The following EFNA5 variants were observed in gnomAD, a reference collection of about 807,000 sequenced individuals.
The protein encoded by EFNA5 is ephrin A5.
EFNA5 carries 5 observed loss-of-function variants against 22.9 expected under a neutral mutation model. That is an observed-to-expected ratio of 0.22 (90% CI 0.11 to 0.46). The LOEUF (loss-of-function observed/expected upper bound fraction) is 0.46, where lower values mean the gene tolerates loss of function less well. Ranked by LOEUF, EFNA5 falls within the 20% of genes least tolerant of loss-of-function variation. The probability of loss-of-function intolerance (pLI) is 0.99; values close to 1 mark genes in which losing one functional copy is unlikely to be tolerated. For synonymous variants in EFNA5, 113 were observed against 112.2 expected, an observed-to-expected ratio of 1.01 and a Z score of -0.04; for missense variants, 237 against 293.3, an observed-to-expected ratio of 0.81 and a Z score of 1.40.
At chr5:107,638,100 A>G (rs1750424570) in intron 1 of EFNA5, among the ~76,000 whole-genome samples, 1 of 151,678 alleles carries the variant, frequency 6.6e-6, no homozygotes, top group Admixed American at 6.6e-5. Context: ...TGATCCGTCC[A>G]CCTTGGCCTC....
intron 1 of EFNA5, among the ~76,000 whole-genome samples, chr5:107,641,496 T>C (rs1487605271): frequency 6.6e-6 from 1 of 152,190 alleles, no homozygotes; most frequent in African/African-American, 2.4e-5. Context: ...AGGAAATCAC[T>C]GTATGCACAA....
At chr5:107,539,609 C>G (rs929096274) in intron 1 of EFNA5, among the ~76,000 whole-genome samples, 6 of 152,106 alleles carry the variant, frequency 3.9e-5, no homozygotes, top group Non-Finnish European at 8.8e-5. Context: ...CAGGCACATG[C>G]CACCATGCCC....
intron 1 of EFNA5, among the ~76,000 whole-genome samples, chr5:107,563,252 G>A (rs973702152): frequency 1.3e-5 from 2 of 152,050 alleles, no homozygotes; most frequent in African/African-American, 4.8e-5. Flanking sequence ...ATCTCCAGCT[G>A]GCTATCTTCG....
chr5:107,472,924 T>C (rs1750183313), intron 1 of EFNA5, among the ~76,000 whole-genome samples: 1 of 152,164 alleles, frequency 6.6e-6, no homozygotes, highest in African/African-American at 2.4e-5. Flanking sequence ...CTGAAGGATA[T>C]TTGAACAAAC....
chr5:107,637,303 A>G (rs1750393013), intron 1 of EFNA5, among the ~76,000 whole-genome samples: 1 of 152,212 alleles, frequency 6.6e-6, no homozygotes, highest in Non-Finnish European at 1.5e-5. Context: ...TGGTTAAAAT[A>G]AGTCATTTCA....
chr5:107,423,666 T>G (rs775333745), intron 2 of EFNA5, among the ~76,000 whole-genome samples: 1 of 152,220 alleles, frequency 6.6e-6, no homozygotes, highest in African/African-American at 2.4e-5. Flanking sequence ...TACCGCCAAC[T>G]TTCTGTAATT....
chr5:107,471,947 T>C (rs912730943), intron 1 of EFNA5, among the ~76,000 whole-genome samples: 7 of 152,232 alleles, frequency 4.6e-5, no homozygotes, highest in Admixed American at 2.0e-4. Flanking sequence ...TAATAAGTTA[T>C]ATCCATGTCC....
At chr5:107,475,607 C>T (rs992875724) in intron 1 of EFNA5, among the ~76,000 whole-genome samples, 8 of 152,122 alleles carry the variant, frequency 5.3e-5, no homozygotes, top group African/African-American at 1.9e-4. Flanking sequence ...CAATCTGCTG[C>T]ATTGCTAAAG....
At chr5:107,611,446 C>T (rs1051613714) in intron 1 of EFNA5, among the ~76,000 whole-genome samples, 18 of 152,162 alleles carry the variant, frequency 1.2e-4, no homozygotes, top group Non-Finnish European at 2.2e-4. Context: ...TAAAACGGTT[C>T]GCTCAAGTCT....
chr5:107,489,761 T>C (rs1183958734), intron 1 of EFNA5, among the ~76,000 whole-genome samples: 1 of 151,848 alleles, frequency 6.6e-6, no homozygotes, highest in Non-Finnish European at 1.5e-5. Context: ...AACATATCCA[T>C]AGCAAGGACT....
intron 1 of EFNA5, among the ~76,000 whole-genome samples, chr5:107,559,331 G>C (rs943195030): frequency 2.0e-5 from 3 of 152,078 alleles, no homozygotes; most frequent in Non-Finnish European, 4.4e-5. Context: ...ACCATCATTT[G>C]ACTCTTTCAT....
intron 1 of EFNA5, among the ~76,000 whole-genome samples, chr5:107,667,487 CAAGTGACACA>C (rs753663715): frequency 3.2e-4 from 49 of 152,178 alleles, no homozygotes; most frequent in Non-Finnish European, 6.2e-4. Context: ...ACCAGATACA[CAAGTGACACA>C]AGTTACACAG....
At chr5:107,503,945 T>C (rs533625515) in intron 1 of EFNA5, among the ~76,000 whole-genome samples, 1 of 152,230 alleles carries the variant, frequency 6.6e-6, no homozygotes, top group Non-Finnish European at 1.5e-5. Context: ...ACAGCATGCA[T>C]TGAATTAGCT....
intron 1 of EFNA5, among the ~76,000 whole-genome samples, chr5:107,467,708 GT>G (rs2112462450): frequency 6.6e-6 from 1 of 152,242 alleles, no homozygotes; most frequent in East Asian, 1.9e-4. Context: ...AAATATAAGA[GT>G]CAGAGTCAGC....
At chr5:107,622,801 C>G (rs985456586) in intron 1 of EFNA5, among the ~76,000 whole-genome samples, 3 of 151,682 alleles carry the variant, frequency 2.0e-5, no homozygotes, top group Admixed American at 2.0e-4. Context: ...GCGGGTGGAT[C>G]ATGAGGTCAG....
Position 107,387,748 on chromosome 5 carries a change from T to C in EFNA5, c.442A>G (p.Arg148Gly), listed in dbSNP as rs1334662919. 4 of 1,613,154 alleles carry C rather than the reference T, an allele frequency of 2.5e-6. No individual in the cohort carries two copies. Among genetic ancestry groups the C allele is most frequent in the Non-Finnish European group, 3.4e-6 (4 of 1,179,398 alleles). ...YISSAIPDNG[R>G]RSCLKLKVFV... ...ACTTTGAGCTTTAGACAGGACCTTC[T>C]TCCATTATCTGGGATTGCAGAGGCT... The change falls in exon 3 of 5, where the codon AGA becomes GGA. Residue 148 changes from arginine to glycine, a missense_variant. Physicochemically the swap from Arg to Gly is moderately radical, Grantham distance 125. Transcript: ENST00000333274.
At chr5:107,551,143 C>T (rs1748285261) in intron 1 of EFNA5, among the ~76,000 whole-genome samples, 1 of 152,184 alleles carries the variant, frequency 6.6e-6, no homozygotes, top group African/African-American at 2.4e-5. Context: ...GTACCATCAT[C>T]ATCTTTTTTT....
chr5:107,502,344 T>C (rs575367635), intron 1 of EFNA5, among the ~76,000 whole-genome samples: 5 of 152,326 alleles, frequency 3.3e-5, no homozygotes, highest in Admixed American at 2.6e-4. Context: ...TATCATCATT[T>C]AGAAAGATCC....
At chr5:107,556,438 T>C (rs899877860) in intron 1 of EFNA5, among the ~76,000 whole-genome samples, 43 of 152,210 alleles carry the variant, frequency 2.8e-4, no homozygotes, top group African/African-American at 1.0e-3. Context: ...CTACCCATCA[T>C]AGTCTTCTTA....
Sources: allele counts gnomAD v4.1 joint callset (sites outside exome capture counted in the v4.1 genomes callset), GRCh38; gene constraint gnomAD v4.1.1; transcripts MANE v1.5; gene names NCBI Gene and HGNC (gene_info 2026-07-23, HGNC 2026-07-21).